Variants in NBEAL1 observed in about 807,000 individuals in gnomAD.
NBEAL1 encodes neurobeachin-like protein 1.
In NBEAL1, 273 loss-of-function variants were observed where a neutral mutation model predicts 351.3. The ratio of observed to expected loss-of-function variants is 0.78; its 90% CI spans 0.70 to 0.86. The LOEUF is 0.86. Among genes scored for constraint, NBEAL1 ranks in the 40% least tolerant of loss-of-function variants. The pLI is 0.00. For synonymous variants in NBEAL1, 1,050 were observed against 1,086.4 expected, an observed-to-expected ratio of 0.97 and a Z score of 0.66; for missense variants, 2,961 against 3,201.3, an observed-to-expected ratio of 0.92 and a Z score of 1.81.
intron 55 of NBEAL1, 95 bp downstream of exon 55, chr2:203,213,748 TAAAC>T: frequency 6.5e-7 from 1 of 1,547,804 alleles, no homozygotes; most frequent in Non-Finnish European, 8.7e-7. Context: ...CCATTAGGGA[TAAAC>T]AAATTAAAAG....
intron 6 of NBEAL1, among the ~76,000 whole-genome samples, chr2:203,065,626 C>T (rs2061570676): frequency 1.3e-5 from 2 of 152,126 alleles, no homozygotes; most frequent in Admixed American, 1.3e-4. Context: ...GTGGCGGGCG[C>T]CTGTAGTCCC....
At chr2:203,209,383 T>C in intron 53 of NBEAL1, 61 bp downstream of exon 53, 1 of 1,228,564 alleles carries the variant, frequency 8.1e-7, no homozygotes, top group African/African-American at 1.5e-5. Context: ...CCTCCCCACA[T>C]TATAGATGAG....
chr2:203,034,365 G>A (rs1375969829), intron 2 of NBEAL1, among the ~76,000 whole-genome samples: 1 of 149,744 alleles, frequency 6.7e-6, no homozygotes, highest in Admixed American at 6.7e-5. Flanking sequence ...CACCATGTTG[G>A]CCAGGATAGT....
At chr2:203,152,354 A>G (rs2063678354) in intron 35 of NBEAL1, among the ~76,000 whole-genome samples, 1 of 104,114 alleles carries the variant, frequency 9.6e-6, no homozygotes, top group Admixed American at 9.7e-5. Flanking sequence ...TTTTTCTAGA[A>G]AAAAAAAAAA....
At chr2:203,056,793 C>G (rs2061410572) in intron 5 of NBEAL1, among the ~76,000 whole-genome samples, 1 of 152,226 alleles carries the variant, frequency 6.6e-6, no homozygotes, top group Non-Finnish European at 1.5e-5. Context: ...GTCTCAAACT[C>G]CTGACCTCAG....
At chr2:203,206,464 G>T (rs750484986) in intron 51 of NBEAL1, among the ~76,000 whole-genome samples, 1 of 151,640 alleles carries the variant, frequency 6.6e-6, no homozygotes, top group Admixed American at 6.5e-5. Context: ...CTCTGATGCC[G>T]AGCCAAAGCT....
chr2:203,153,033 C>T (rs1305134409), intron 35 of NBEAL1, among the ~76,000 whole-genome samples: 1 of 151,762 alleles, frequency 6.6e-6, no homozygotes, highest in East Asian at 2.0e-4. Context: ...AGCAAAACTC[C>T]TCCTCAACAA....
intron 2 of NBEAL1, among the ~76,000 whole-genome samples, chr2:203,031,863 G>A (rs1191724131): frequency 6.6e-6 from 1 of 151,968 alleles, no homozygotes; most frequent in East Asian, 1.9e-4. Flanking sequence ...CTACCTCCTG[G>A]TATTCTACCT....
rs2062533388 is a variant in NBEAL1, at chr2:203,110,165, T to C, written c.1965T>C (p.Ser655=). 6.5e-7 allele frequency: 1 copy of C among 1,546,108 alleles called. No individual in the cohort carries two copies. Among genetic ancestry groups the C allele is most frequent in the South Asian group, 1.2e-5 (1 of 82,186 alleles). The change falls in exon 15 of 56, where the codon AGT becomes AGC. Residue 655 remains serine (S), a synonymous_variant. Coordinates refer to ENST00000683969, the MANE Select transcript of NBEAL1 (RefSeq NM_001378026.1). ...TTTTTTTTAGTTTTTTTACAGGAAGTGGCATGGGTTTTGAAGCCTTTATTA... is the reference window on the plus strand; with the variant it reads ...TTTTTTTTAGTTTTTTTACAGGAAGCGGCATGGGTTTTGAAGCCTTTATTA... The part of the protein sequence containing the change: ...RKQLYSFFTG[S]GMGFEAFITH...
intron 7 of NBEAL1, among the ~76,000 whole-genome samples, chr2:203,071,155 AT>A (rs1466847066): frequency 1.3e-5 from 2 of 152,102 alleles, no homozygotes; most frequent in African/African-American, 4.8e-5. Flanking sequence ...TATGTCTTGT[AT>A]GGTTTTTGTC....
At chr2:203,157,126 A>G (rs2063817459) in intron 35 of NBEAL1, among the ~76,000 whole-genome samples, 4 of 152,170 alleles carry the variant, frequency 2.6e-5, no homozygotes, top group South Asian at 2.1e-4. Flanking sequence ...TTCATAGACC[A>G]TGTTCTTTTC....
intron 2 of NBEAL1, among the ~76,000 whole-genome samples, chr2:203,034,435 G>C (rs115059273): frequency 0.037 from 5,398 of 145,352 alleles, 462 homozygotes; most frequent in African/African-American, 0.13. Flanking sequence ...GGGATCACCT[G>C]TGTGAGTCAC....
intron 42 of NBEAL1, among the ~76,000 whole-genome samples, chr2:203,176,398 T>TGCC (rs2064502178): frequency 6.6e-6 from 1 of 151,940 alleles, no homozygotes; most frequent in South Asian, 2.1e-4. Flanking sequence ...CCAAAGTAAG[T>TGCC]ATCTGATAGA....
chr2:203,151,931 A>G (rs1268312696), intron 35 of NBEAL1, among the ~76,000 whole-genome samples: 6 of 152,060 alleles, frequency 3.9e-5, no homozygotes, highest in African/African-American at 1.4e-4. Flanking sequence ...AATGTTAGAT[A>G]GAATTCTTAG....
Position 203,083,211 on chromosome 2 carries a change from T to C in NBEAL1, c.685-8T>C. The C allele has an allele frequency of 6.5e-7, 1 of 1,546,114 alleles. No homozygotes were observed. Among genetic ancestry groups the C allele is most frequent in the East Asian group, 2.4e-5 (1 of 40,846 alleles). The stretch of plus-strand genomic sequence containing the variant: ...TAGGTTTCATTTTTATTGTCTCTAA[T>C]GTTTCAGAGGAATGCTTTGCAAGCA... On this transcript the variant is annotated splice_region_variant and splice_polypyrimidine_tract_variant and intron_variant, in intron 8 of 55. Transcript: ENST00000683969.
chr2:203,107,999 C>T lies in NBEAL1; in HGVS notation c.1760C>T (p.Ala587Val). Residue 587 changes from alanine (A) to valine (V), a missense_variant, in exon 14 of 56, where the codon GCC becomes GTC. By Grantham distance (64) the Ala-to-Val change is moderately conservative. Transcript: ENST00000683969. ...GTGACTCGAGCAATCCTGACAATGGCCCGAAAACTAAGTCTAGAGAGTGCC... is the reference window on the plus strand; with the variant it reads ...GTGACTCGAGCAATCCTGACAATGGTCCGAAAACTAAGTCTAGAGAGTGCC... ...TPVTRAILTM[A>V]RKLSLESALQ... 1 of 1,554,468 alleles carries T rather than the reference C, an allele frequency of 6.4e-7. No homozygotes were observed. Among genetic ancestry groups the T allele is most frequent in the Non-Finnish European group, 8.7e-7 (1 of 1,147,928 alleles).
Position 203,175,252 on chromosome 2 carries a change from G to A in NBEAL1, c.6429G>A (p.Pro2143=), listed in dbSNP as rs531194090. Residue 2143 remains proline, a synonymous_variant, in exon 42 of 56, where the codon CCG becomes CCA. Transcript: ENST00000683969. ...TGCACTATCTCATTCGTGTAGAACC[G>A]TTCACCACCCTCCACATCCAACTTC... ...GVMHYLIRVE[P]FTTLHIQLQS... 84 of 1,613,488 alleles carry A rather than the reference G, an allele frequency of 5.2e-5. No individual in the cohort carries two copies. The South Asian group carries it at 8.4e-4, about 16-fold the overall frequency.
At position 203,138,600 on chromosome 2, in the gene NBEAL1, A is replaced by AT. The variant is rs1427035512; in HGVS notation, c.4720-13dup. 4 of 1,567,060 alleles carry AT rather than the reference A, an allele frequency of 2.6e-6. No individual in the cohort carries two copies. The highest frequency in any genetic ancestry group is 1.4e-5 in the African/African-American group (1 of 72,172). ...AAAAACTGAATGTTTTTATTTCTCA[A>AT]TTTTTTTCCTTTGTGATAGCTTTTA... On this transcript the variant is annotated intron_variant, in intron 30 of 55. Coordinates refer to ENST00000683969, the MANE Select transcript of NBEAL1 (RefSeq NM_001378026.1).
intron 2 of NBEAL1, among the ~76,000 whole-genome samples, chr2:203,034,806 T>C (rs1168400957): frequency 6.7e-6 from 1 of 148,838 alleles, no homozygotes; most frequent in Non-Finnish European, 1.5e-5. Flanking sequence ...TCAGAAAAAC[T>C]TGAGGGCTGA....
Sources: gnomAD v4.1 joint callset for allele counts (sites outside exome capture counted in the v4.1 genomes callset) on GRCh38, gnomAD v4.1.1 for gene constraint, MANE v1.5 for transcripts, NCBI Gene and HGNC (gene_info 2026-07-23, HGNC 2026-07-21) for gene names.